Variants in RALGPS2 observed in about 807,000 individuals in gnomAD.
RALGPS2 encodes Ral GEF with PH domain and SH3 binding motif 2.
A neutral mutation model predicts 86.8 loss-of-function variants in RALGPS2; 43 were observed. That is an observed-to-expected ratio of 0.50 (90% confidence interval 0.39 to 0.64). The LOEUF (loss-of-function observed/expected upper bound fraction) is 0.64. Ranked by LOEUF, RALGPS2 falls within the 30% of genes least tolerant of loss-of-function variation. The pLI is 0.00. For missense variants in RALGPS2, 536 were observed against 694.6 expected, an observed-to-expected ratio of 0.77 and a Z score of 2.57; for synonymous variants, 243 against 231.3, an observed-to-expected ratio of 1.05 and a Z score of -0.46.
intron 1 of RALGPS2, among the ~76,000 whole-genome samples, chr1:178,776,446 T>G (rs1215071104): frequency 6.6e-6 from 1 of 152,220 alleles, no homozygotes; most frequent in Non-Finnish European, 1.5e-5. Context: ...GTTATGCTTT[T>G]GCTTTGCTTA....
chr1:178,779,525 AT>A (rs1653276673), intron 2 of RALGPS2, among the ~76,000 whole-genome samples: 1 of 152,116 alleles, frequency 6.6e-6, no homozygotes, highest in Non-Finnish European at 1.5e-5. Flanking sequence ...TATGTAGATG[AT>A]TTATTTTTAT....
intron 8 of RALGPS2, among the ~76,000 whole-genome samples, chr1:178,854,098 A>T (rs1657369945): frequency 6.6e-6 from 1 of 152,152 alleles, no homozygotes; most frequent in Non-Finnish European, 1.5e-5. Context: ...TTCTAGCTGC[A>T]TAATAATCCT....
Position 178,889,667 on chromosome 1 carries a change from T to G in RALGPS2, c.1218T>G (p.Ser406Arg). Reference sequence around the variant, plus strand: ...GTAGCAGCGATGGTTCTGAACTAAGTGAAGAGACCTCATGGCCTGCTTTTG... The same window carrying G: ...GTAGCAGCGATGGTTCTGAACTAAGGGAAGAGACCTCATGGCCTGCTTTTG... Reference protein sequence around the residue: ...SIGSSDGSELSEETSWPAFER... With the variant: ...SIGSSDGSELREETSWPAFER... Residue 406 changes from serine to arginine, a missense_variant, in exon 14 of 20, where the codon AGT becomes AGG. This residue lies in a region of RALGPS2 where 309 missense variants were observed against 363.0 expected (regional missense o/e 0.85). Transcript: ENST00000367635. 2.5e-6 allele frequency: 4 copies of G among 1,608,462 alleles called. No homozygotes were observed. The highest frequency in any genetic ancestry group is 3.4e-6 in the Non-Finnish European group (4 of 1,176,886).
intron 5 of RALGPS2, among the ~76,000 whole-genome samples, chr1:178,810,126 G>A (rs557335299): frequency 6.6e-6 from 1 of 151,772 alleles, no homozygotes; most frequent in South Asian, 2.1e-4. Flanking sequence ...GCTCATGCCT[G>A]TAATCCCAGC....
At chr1:178,743,267 A>G (rs1311515897) in intron 1 of RALGPS2, among the ~76,000 whole-genome samples, 1 of 152,186 alleles carries the variant, frequency 6.6e-6, no homozygotes, top group East Asian at 1.9e-4. Context: ...ACTCAGAAAG[A>G]ATTTATAGCC....
At chr1:178,769,692 C>G (rs1424822390) in intron 1 of RALGPS2, among the ~76,000 whole-genome samples, 1 of 152,162 alleles carries the variant, frequency 6.6e-6, no homozygotes, top group Non-Finnish European at 1.5e-5. Flanking sequence ...GAAGCTGGCC[C>G]TGGCTGCACG....
At chr1:178,850,958 C>T (rs113369617) in intron 8 of RALGPS2, 12 of 512,008 alleles carry the variant, frequency 2.3e-5, no homozygotes, top group African/African-American at 1.6e-4. Flanking sequence ...CAGTAATTGA[C>T]GACAGATGAA....
rs1469951001 is a variant in RALGPS2, at chr1:178,920,878, AAAAC to A, written c.*4526_*4529del. The A allele has an allele frequency of 6.6e-6, 1 of 152,096 alleles. No homozygotes were observed. Among genetic ancestry groups the A allele is most frequent in the Non-Finnish European group, 1.5e-5 (1 of 67,940 alleles). The allele number at this position is 152,096 out of a possible 1,614,324, so 9.4% of individuals were successfully genotyped here. On this transcript the variant is annotated 3_prime_UTR_variant, in exon 20 of 20. Coordinates refer to ENST00000367635, the MANE Select transcript of RALGPS2 (RefSeq NM_152663.5). ...TTATTTTTACATTTAAGTAACACTC[AAAAC>A]AAACAAGTAGTCACTTAACCTGCCA...
At chr1:178,832,299 C>T (rs1471389702) in intron 7 of RALGPS2, among the ~76,000 whole-genome samples, 1 of 152,108 alleles carries the variant, frequency 6.6e-6, no homozygotes, top group African/African-American at 2.4e-5. Context: ...AGACATTTTT[C>T]TAATAGAGAT....
chr1:178,780,042 G>A (rs1031691942), intron 2 of RALGPS2, among the ~76,000 whole-genome samples: 1 of 152,150 alleles, frequency 6.6e-6, no homozygotes, highest in African/African-American at 2.4e-5. Context: ...CCAATGTGTT[G>A]TTAATTTTTG....
At chr1:178,844,593 C>G (rs1656777348) in intron 8 of RALGPS2, among the ~76,000 whole-genome samples, 1 of 151,938 alleles carries the variant, frequency 6.6e-6, no homozygotes, top group Admixed American at 6.6e-5. Context: ...TATAATTTGT[C>G]TAGAGAGGAA....
rs188816601 is a variant in RALGPS2 at position 178,730,818 on chromosome 1, C to T, written c.-84+5399C>T. On this transcript the variant is annotated intron_variant, in intron 1 of 19. Coordinates refer to ENST00000367635, the MANE Select transcript of RALGPS2 (RefSeq NM_152663.5). ...CCGGGTTTAAGCGATTCTCCTGCCT[C>T]AGCCTCCCAAGTAGCTGGGATTACA... Among the ~76,000 whole-genome samples the T allele has an allele frequency of 3.0e-3, 458 of 152,082 alleles. 3 individuals are homozygous for T. The highest frequency in any genetic ancestry group is 5.2e-3 in the Non-Finnish European group (353 of 67,990).
chr1:178,826,084 G>C (rs532521908), intron 7 of RALGPS2, among the ~76,000 whole-genome samples: 2 of 152,202 alleles, frequency 1.3e-5, no homozygotes, highest in East Asian at 1.9e-4. Flanking sequence ...GGAGGATACA[G>C]TTGGAAAGGT....
At chr1:178,746,509 C>T in intron 1 of RALGPS2, among the ~76,000 whole-genome samples, 1 of 152,150 alleles carries the variant, frequency 6.6e-6, no homozygotes, top group East Asian at 1.9e-4. Context: ...AAGGTCTTAG[C>T]TGGTGGATGC....
chr1:178,828,274 T>C (rs10913630), intron 7 of RALGPS2, among the ~76,000 whole-genome samples: 71,237 of 152,014 alleles, frequency 0.47, 18,095 homozygotes, highest in African/African-American at 0.66. Context: ...ATGTGTTGTT[T>C]GGTGATTTTG....
chr1:178,840,957 T>C (rs190601946), intron 8 of RALGPS2, among the ~76,000 whole-genome samples: 6,047 of 152,192 alleles, frequency 0.04, 156 homozygotes, highest in African/African-American at 0.068. Context: ...CAGGAAGAAG[T>C]TGAATCCCTG....
chr1:178,811,241 A>T, intron 5 of RALGPS2, 74 bp from the exon 6 acceptor site: 2 of 1,239,484 alleles, frequency 1.6e-6, no homozygotes, highest in Non-Finnish European at 2.2e-6. Flanking sequence ...TTCTGCCAAA[A>T]TTTTTTAAAA....
chr1:178,848,679 G>A (rs990501536), intron 8 of RALGPS2, among the ~76,000 whole-genome samples: 2 of 152,162 alleles, frequency 1.3e-5, no homozygotes, highest in Middle Eastern at 3.2e-3. Context: ...TTGAGAAAGA[G>A]TCTAACTCTG....
chr1:178,804,061 A>G (rs1396757572), intron 4 of RALGPS2, among the ~76,000 whole-genome samples: 1 of 142,742 alleles, frequency 7.0e-6, no homozygotes, highest in Non-Finnish European at 1.6e-5. Flanking sequence ...CCCTGACTCA[A>G]TCTATTCCTT....
Sources: allele counts gnomAD v4.1 joint callset (sites outside exome capture counted in the v4.1 genomes callset), GRCh38; gene constraint gnomAD v4.1.1; regional missense constraint gnomAD v4.1.1; transcripts MANE v1.5; gene names NCBI Gene and HGNC (gene_info 2026-07-23, HGNC 2026-07-21).